WTIP: variants seen among roughly 807,000 people sequenced by gnomAD.
The protein encoded by WTIP is Wilms tumor protein 1-interacting protein.
A neutral mutation model predicts 41.7 loss-of-function variants in WTIP; 23 were observed. The observed-to-expected ratio is 0.55, with a 90% confidence interval of 0.40 to 0.78. WTIP has a LOEUF of 0.78. Ranked by LOEUF, WTIP falls within the 30% of genes least tolerant of loss-of-function variation. The pLI is 0.00. For synonymous variants in WTIP, 314 were observed against 269.9 expected, an observed-to-expected ratio of 1.16 and a Z score of -1.60; for missense variants, 619 against 610.5, an observed-to-expected ratio of 1.01 and a Z score of -0.15.
At position 34,490,388 on chromosome 19, in the gene WTIP, A is replaced by C; in HGVS notation, c.680A>C (p.Lys227Thr). The C allele has an allele frequency of 6.2e-7, 1 of 1,613,978 alleles. No individual in the cohort carries two copies. Among genetic ancestry groups the C allele is most frequent in the Non-Finnish European group, 8.5e-7 (1 of 1,179,870 alleles). The change falls in exon 2 of 8, where the codon AAG becomes ACG. Residue 227 changes from lysine to threonine, a missense_variant. Coordinates refer to ENST00000590071, the MANE Select transcript of WTIP (RefSeq NM_001080436.2). ...TCTCCTCTCCTAGGCATTTGCATCA[A>C]GTGTGGGCTTGGCATCTACGGAGCC... ...TARDYFGICIKCGLGIYGAQQ... is the reference protein window; with the variant it reads ...TARDYFGICITCGLGIYGAQQ...
At chr19:34,494,437 C>G in intron 5 of WTIP, 149 bp from the exon 6 acceptor site, 1 of 713,826 alleles carries the variant, frequency 1.4e-6, no homozygotes, top group East Asian at 2.7e-5. Context: ...ATGGCAGAAG[C>G]TGTTCCCTGT....
intron 7 of WTIP, 144 bp from the exon 8 acceptor site, chr19:34,499,985 G>C: frequency 8.2e-7 from 1 of 1,222,020 alleles, no homozygotes; most frequent in Non-Finnish European, 1.1e-6. Flanking sequence ...ACAGGTGTGA[G>C]CCCCTGCGCC....
Position 34,500,167 on chromosome 19 carries a change from T to G in WTIP, c.1191T>G (p.Arg397=). ...AGCTGAGCGGGGAGGAGGGACGCCG[T>G]TGCTATCCCCTGGCGGGCCACCTAC... ...GLQLSGEEGR[R]CYPLAGHLLC... is the part of the protein sequence containing the mutation. Residue 397 remains arginine (R), a synonymous_variant, in exon 8 of 8, where the codon CGT becomes CGG. Transcript: ENST00000590071. The G allele has an allele frequency of 6.2e-7, 1 of 1,602,208 alleles. No homozygotes were observed. Among genetic ancestry groups the G allele is most frequent in the Non-Finnish European group, 8.5e-7 (1 of 1,179,776 alleles).
In WTIP at chr19:34,501,104, T is replaced by C. The variant is rs1409077292; in HGVS notation, c.*835T>C. On this transcript the variant is annotated 3_prime_UTR_variant, in exon 8 of 8. Transcript: ENST00000590071. ...GGCTCCACGACAAAAGGACAAGATT[T>C]GACTTAAATTAAGTTTTTCCCTTGA... The C allele has an allele frequency of 6.5e-6, 1 of 152,698 alleles. No homozygotes were observed. The highest frequency in any genetic ancestry group is 2.4e-5 in the African/African-American group (1 of 41,478). 9.5% of individuals were successfully genotyped at this position (152,698 alleles called of 1,614,324 possible). A position where few individuals can be genotyped will look rare whatever the true frequency, so the allele number is the denominator to read the frequency against.
At chr19:34,497,161 CCTT>C (rs1243211715) in intron 7 of WTIP, among the ~76,000 whole-genome samples, 4 of 152,224 alleles carry the variant, frequency 2.6e-5, no homozygotes, top group African/African-American at 7.2e-5. Context: ...CCACACCAGG[CCTT>C]CTTTTCTGAA....
intron 2 of WTIP, 89 bp downstream of exon 2, chr19:34,490,566 G>C: frequency 7.5e-7 from 1 of 1,337,342 alleles, no homozygotes; most frequent in Non-Finnish European, 1.1e-6. Context: ...CCTGAGTCCA[G>C]GCAGATGGAC....
At chr19:34,487,738 A>G (rs891361249) in intron 1 of WTIP, among the ~76,000 whole-genome samples, 3 of 151,638 alleles carry the variant, frequency 2.0e-5, no homozygotes, top group Non-Finnish European at 4.4e-5. Flanking sequence ...AGAAAGCAAG[A>G]AGGTCGGGGG....
intron 1 of WTIP, among the ~76,000 whole-genome samples, chr19:34,485,595 A>ATTTT (rs780006743): frequency 7.0e-6 from 1 of 142,820 alleles, no homozygotes; most frequent in African/African-American, 2.6e-5. Flanking sequence ...TTTTAAATTA[A>ATTTT]TTTTTTTTTT....
rs1027510425 is a variant in WTIP, at chr19:34,481,765, C to A, written c.-210C>A. On this transcript the variant is annotated 5_prime_UTR_variant, in exon 1 of 8. Coordinates refer to ENST00000590071, the MANE Select transcript of WTIP (RefSeq NM_001080436.2). ...CCGGCGCCTGGGAGCTTACATTCCT[C>A]CGCCGCGCGCGCCGCCGAGCAGGGC... 3.7e-5 allele frequency: 7 copies of A among 191,544 alleles called. No homozygotes were observed. The highest frequency in any genetic ancestry group is 1.5e-4 in the African/African-American group (6 of 41,306). The allele number at this position is 191,544 out of a possible 1,614,324, so 11.9% of individuals were successfully genotyped here. A position where few individuals can be genotyped will look rare whatever the true frequency, so the allele number is the denominator to read the frequency against.
chr19:34,488,001 A>G (rs977188055), intron 1 of WTIP, among the ~76,000 whole-genome samples: 14 of 151,870 alleles, frequency 9.2e-5, no homozygotes, highest in Admixed American at 5.2e-4. Context: ...TGCTGAGTAC[A>G]CAGGTGTGGT....
At chr19:34,494,751 TCTC>T in intron 6 of WTIP, 114 bp downstream of exon 6, 1 of 1,031,406 alleles carries the variant, frequency 9.7e-7, no homozygotes, top group Non-Finnish European at 1.4e-6. Context: ...AGCAGGTGCT[TCTC>T]CGCAGATCTT....
At chr19:34,483,420 C>T (rs2075781311) in intron 1 of WTIP, among the ~76,000 whole-genome samples, 2 of 152,136 alleles carry the variant, frequency 1.3e-5, no homozygotes, top group African/African-American at 2.4e-5. Flanking sequence ...TGCCCCGCCA[C>T]GGTATGGGTG....
Position 34,482,622 on chromosome 19 carries a change from C to T in WTIP, c.648C>T (p.Arg216=). ...TRELERALEA[R]TARDYFGICI... ...AGCTGGAGCGGGCGCTCGAGGCGCG[C>T]ACGGCGCGGGACTACTTCGGTGAGC... Residue 216 remains arginine, a synonymous_variant, in exon 1 of 8, where the codon CGC becomes CGT. Transcript: ENST00000590071. 1 of 1,229,846 alleles carries T rather than the reference C, an allele frequency of 8.1e-7. No individual in the cohort carries two copies. The highest frequency in any genetic ancestry group is 1.0e-6 in the Non-Finnish European group (1 of 986,888). 76.2% of individuals were successfully genotyped at this position (1,229,846 alleles called of 1,614,324 possible).
At chr19:34,496,294 C>T (rs566723406) in intron 7 of WTIP, among the ~76,000 whole-genome samples, 1 of 152,230 alleles carries the variant, frequency 6.6e-6, no homozygotes. Context: ...TCTCAACCTC[C>T]TGAGTAGCTA....
Position 34,493,437 on chromosome 19 carries a change from A to G in WTIP, c.901-55A>G. 6.2e-7 allele frequency: 1 copy of G among 1,604,914 alleles called. No homozygotes were observed. Among genetic ancestry groups the G allele is most frequent in the African/African-American group, 1.3e-5 (1 of 74,806 alleles). Reference sequence around the variant, plus strand: ...GGGGTTCAGGGCCAGAGCCTCTCCCAGGGCGGTGCTGAGCCTCCTGCCCGC... The same window carrying G: ...GGGGTTCAGGGCCAGAGCCTCTCCCGGGGCGGTGCTGAGCCTCCTGCCCGC... On this transcript the variant is annotated intron_variant, in intron 4 of 7. Coordinates refer to ENST00000590071, the MANE Select transcript of WTIP (RefSeq NM_001080436.2). This position sits in a 1 kb window ranked among gnomAD's most constrained non-coding sequence, Gnocchi z 4.1.
chr19:34,497,932 AGAGT>A (rs1235136339), intron 7 of WTIP, among the ~76,000 whole-genome samples: 1 of 152,198 alleles, frequency 6.6e-6, no homozygotes, highest in African/African-American at 2.4e-5. Flanking sequence ...GTTGACGCTG[AGAGT>A]GAGAGCGGGG....
Position 34,482,067 on chromosome 19 carries a change from T to TCGGGGGCGG in WTIP, c.101_109dup (p.Arg34_Gly36dup). 1 of 1,033,696 alleles carries TCGGGGGCGG rather than the reference T, an allele frequency of 9.7e-7. No homozygotes were observed. Among genetic ancestry groups the TCGGGGGCGG allele is most frequent in the Non-Finnish European group, 1.2e-6 (1 of 863,000 alleles). The allele number at this position is 1,033,696 out of a possible 1,614,324, so 64.0% of individuals were successfully genotyped here. On this transcript the variant is annotated inframe_insertion, in exon 1 of 8. Coordinates refer to ENST00000590071, the MANE Select transcript of WTIP (RefSeq NM_001080436.2). Reference sequence around the variant, plus strand: ...TGGAGCCCGGGTGCGGCTCTCCCGGTCGGGGGCGGCGGGGGCCGCGGCCTG... The same window carrying TCGGGGGCGG: ...TGGAGCCCGGGTGCGGCTCTCCCGGTCGGGGGCGGCGGGGGCGGCGGGGGCCGCGGCCTG...
chr19:34,482,437 G>A lies in WTIP; in HGVS notation c.463G>A (p.Ala155Thr). The change falls in exon 1 of 8, where the codon GCC becomes ACC. Residue 155 changes from alanine to threonine, a missense_variant. Ala to Thr is a moderately conservative substitution (Grantham distance 58, BLOSUM62 0). Transcript: ENST00000590071. ...CCTCGGCTCCCGGGGCTCGGCCGGC[G>A]CCTACGCTGACTTCCTCCCGCCCGG... Reference protein sequence around the residue: ...SSLGSRGSAGAYADFLPPGAC... With the variant: ...SSLGSRGSAGTYADFLPPGAC... 3 of 1,323,602 alleles carry A rather than the reference G, an allele frequency of 2.3e-6. No individual in the cohort carries two copies. Among genetic ancestry groups the A allele is most frequent in the Non-Finnish European group, 1.9e-6 (2 of 1,036,492 alleles). The allele number at this position is 1,323,602 out of a possible 1,614,324, so 82.0% of individuals were successfully genotyped here.
chr19:34,493,177 G>A lies in WTIP; in HGVS notation c.837+73G>A, dbSNP rs145779457. ...AGGGACCCTCATTCTGACTCGAGTG[G>A]AGACCTGAGGCCAGGAGGCAGGTGC... is the stretch of plus-strand genomic sequence containing the variant. On this transcript the variant is annotated intron_variant, in intron 3 of 7. Coordinates refer to ENST00000590071, the MANE Select transcript of WTIP (RefSeq NM_001080436.2). This position sits in a 1 kb window ranked among gnomAD's most constrained non-coding sequence, Gnocchi z 4.1. 12 of 1,612,786 alleles carry A rather than the reference G, an allele frequency of 7.4e-6. No homozygotes were observed. Among genetic ancestry groups the A allele is most frequent in the Middle Eastern group, 3.3e-4 (2 of 6,062 alleles).
Sources: allele counts gnomAD v4.1 joint callset (sites outside exome capture counted in the v4.1 genomes callset), GRCh38; gene constraint gnomAD v4.1.1; non-coding constraint Gnocchi (gnomAD v3.1); transcripts MANE v1.5; gene names NCBI Gene and HGNC (gene_info 2026-07-23, HGNC 2026-07-21).